BDNF: variants seen among roughly 807,000 people sequenced by gnomAD.
BDNF encodes the protein neurotrophic factor BDNF precursor form.
A neutral mutation model predicts 19.5 loss-of-function variants in BDNF; 1 was observed. The ratio of observed to expected loss-of-function variants is 0.05; its 90% CI spans 0.02 to 0.24. BDNF has a LOEUF of 0.24. Ranked by LOEUF, BDNF falls within the 10% of genes least tolerant of loss-of-function variation. BDNF has a pLI of 1.00. For missense variants in BDNF, 195 were observed against 317.6 expected (o/e 0.61, Z 2.93); for synonymous variants, 100 against 121.6 (o/e 0.82, Z 1.17).
At position 27,671,175 on chromosome 11, in the gene BDNF, G is replaced by A. The variant is rs562358471; in HGVS notation, c.-21-12590C>T. 4.6e-5 allele frequency among the ~76,000 whole-genome samples: 7 copies of A among 152,176 alleles called. No individual in the cohort carries two copies. In the South Asian group the frequency reaches 1.5e-3, roughly 32 times the overall value. ...CCTGTCATGGAGTAGGGGTAGGGGG[G>A]AGGGATAGCATTAGGAGATATACCT... On this transcript the variant is annotated intron_variant, in intron 1 of 1. Transcript: ENST00000356660.
chr11:27,712,270 T>C (rs1860356526), intron 1 of BDNF, among the ~76,000 whole-genome samples: 1 of 152,242 alleles, frequency 6.6e-6, no homozygotes, highest in African/African-American at 2.4e-5. Context: ...AGTACTTGCA[T>C]GCTTTCTCAC....
chr11:27,720,628 G>A (rs1860712231), intron 1 of BDNF: 6 of 985,376 alleles, frequency 6.1e-6, no homozygotes, highest in Non-Finnish European at 7.2e-6. Context: ...CTTTACAGCG[G>A]GGCCAAGAAG....
chr11:27,671,176 A>AG (rs1385927155), intron 1 of BDNF, among the ~76,000 whole-genome samples: 1 of 152,014 alleles, frequency 6.6e-6, no homozygotes, highest in Non-Finnish European at 1.5e-5. Flanking sequence ...GGTAGGGGGG[A>AG]GGGATAGCAT....
intron 1 of BDNF, among the ~76,000 whole-genome samples, chr11:27,683,398 C>A (rs1203840187): frequency 2.0e-5 from 3 of 152,106 alleles, no homozygotes; most frequent in Admixed American, 2.0e-4. Flanking sequence ...TGTGCAGAAG[C>A]TCTTTAGTTT....
intron 1 of BDNF, among the ~76,000 whole-genome samples, chr11:27,672,830 G>A (rs1377420131): frequency 1.3e-5 from 2 of 152,118 alleles, no homozygotes; most frequent in Non-Finnish European, 2.9e-5. Flanking sequence ...CATTTTTTAA[G>A]TTGAACATTA....
chr11:27,699,133 C>A (rs1296719539), intron 1 of BDNF, among the ~76,000 whole-genome samples: 1 of 150,288 alleles, frequency 6.7e-6, no homozygotes, highest in Non-Finnish European at 1.5e-5. Context: ...GCATGGCCGG[C>A]AGAGGGCACC....
chr11:27,706,412 G>T (rs1169323953), intron 1 of BDNF, among the ~76,000 whole-genome samples: 1 of 152,158 alleles, frequency 6.6e-6, no homozygotes, highest in African/African-American at 2.4e-5. Flanking sequence ...AGCAATGCTG[G>T]TGCTTGGAAG....
intron 1 of BDNF, among the ~76,000 whole-genome samples, chr11:27,662,200 C>T (rs1234381728): frequency 1.3e-5 from 2 of 152,118 alleles, no homozygotes; most frequent in African/African-American, 4.8e-5. Context: ...AGGGTTTCAC[C>T]ATGTTGGCCG....
chr11:27,718,348 C>T (rs1448450265), intron 1 of BDNF, among the ~76,000 whole-genome samples: 1 of 129,038 alleles, frequency 7.7e-6, no homozygotes, highest in Non-Finnish European at 1.8e-5. Context: ...CCCCGTTCCG[C>T]ACACCACCCC....
rs1382248756 is a variant in BDNF, at chr11:27,700,435, G to A, written c.-293C>T. On this transcript the variant is annotated 5_prime_UTR_variant, in exon 1 of 2. Coordinates refer to ENST00000356660, the MANE Select transcript of BDNF (RefSeq NM_001709.5). ...CCGGGCGCGGCGGCGGCAGCGTCGG[G>A]GACCCGGAGCTCCAGGCTGCGCCTT... The A allele has an allele frequency of 2.0e-6, 2 of 985,066 alleles. No individual in the cohort carries two copies. Among genetic ancestry groups the A allele is most frequent in the African/African-American group, 1.8e-5 (1 of 57,080 alleles). The allele number at this position is 985,066 out of a possible 1,614,324, so 61.0% of individuals were successfully genotyped here.
upstream of BDNF, among the ~76,000 whole-genome samples, chr11:27,702,918 A>C (rs1166098464): frequency 6.6e-6 from 1 of 152,192 alleles, no homozygotes; most frequent in Non-Finnish European, 1.5e-5. Context: ...AAGTGAAGCT[A>C]TCTGTTCCTT....
At chr11:27,710,481 C>A (rs1410999397) in intron 1 of BDNF, among the ~76,000 whole-genome samples, 1 of 152,200 alleles carries the variant, frequency 6.6e-6, no homozygotes, top group Non-Finnish European at 1.5e-5. Flanking sequence ...TCCTGGCATG[C>A]TCCCAAATGA....
chr11:27,703,078 A>G (rs554620529), upstream of BDNF, among the ~76,000 whole-genome samples: 4 of 152,310 alleles, frequency 2.6e-5, no homozygotes, highest in South Asian at 8.3e-4. Flanking sequence ...TGACCAATAC[A>G]AACTACCCTA....
intron 1 of BDNF, among the ~76,000 whole-genome samples, chr11:27,662,463 G>C (rs1853616736): frequency 6.6e-6 from 1 of 152,156 alleles, no homozygotes; most frequent in African/African-American, 2.4e-5. Flanking sequence ...GAAATTCTCA[G>C]GTAAATATAG....
Position 27,657,269 on chromosome 11 carries a change from C to A in BDNF, c.*552G>T. 1.0e-6 allele frequency: 1 copy of A among 986,360 alleles called. No homozygotes were observed. The allele number at this position is 986,360 out of a possible 1,614,324, so 61.1% of individuals were successfully genotyped here. ...AAACGAAAAAAAAACACAAAACAAA[C>A]AAAAATATACCCCCCATCCCCCATC... On this transcript the variant is annotated 3_prime_UTR_variant, in exon 2 of 2. Coordinates refer to ENST00000356660, the MANE Select transcript of BDNF (RefSeq NM_001709.5). The surrounding 1 kb of genome is among the most constrained non-coding windows in gnomAD (Gnocchi z 5.0).
At chr11:27,687,588 GT>G (rs1857648726) in intron 1 of BDNF, among the ~76,000 whole-genome samples, 1 of 152,182 alleles carries the variant, frequency 6.6e-6, no homozygotes, top group African/African-American at 2.4e-5. Flanking sequence ...TTTGTACGGG[GT>G]TTTCGTGTGG....
At chr11:27,700,017 G>A (rs1859717444) in intron 1 of BDNF, 147 bp downstream of exon 1, 2 of 814,000 alleles carry the variant, frequency 2.5e-6, no homozygotes, top group Admixed American at 6.0e-5. Context: ...CTCCCCAAGA[G>A]TAACTCCAAA....
At chr11:27,704,172 T>C (rs1314003726), upstream of BDNF, among the ~76,000 whole-genome samples, 1 of 152,238 alleles carries the variant, frequency 6.6e-6, no homozygotes, top group East Asian at 1.9e-4. Context: ...GAACATTTTC[T>C]CTATTACTAA....
At chr11:27,689,044 C>T (rs772257036) in intron 1 of BDNF, among the ~76,000 whole-genome samples, 2 of 152,186 alleles carry the variant, frequency 1.3e-5, no homozygotes, top group Non-Finnish European at 2.9e-5. Context: ...TTTTAATCTT[C>T]CCATTACCAC....
Sources: gnomAD v4.1 joint callset for allele counts (sites outside exome capture counted in the v4.1 genomes callset) on GRCh38, gnomAD v4.1.1 for gene constraint, Gnocchi (gnomAD v3.1) non-coding constraint, MANE v1.5 for transcripts, NCBI Gene and HGNC (gene_info 2026-07-23, HGNC 2026-07-21) for gene names.